ATP8B4: variants seen among roughly 807,000 people sequenced by gnomAD.
ATP8B4 encodes probable phospholipid-transporting ATPase IM.
Under a neutral mutation model 145.6 loss-of-function variants are expected in ATP8B4, and 133 were observed. The ratio of observed to expected loss-of-function variants is 0.91; its 90% confidence interval spans 0.79 to 1.05. The LOEUF is 1.05. ATP8B4 is among the 50% of genes least tolerant of loss of function. ATP8B4 has a pLI of 0.00. For synonymous variants in ATP8B4, 507 were observed against 492.9 expected, an observed-to-expected ratio of 1.03 and a Z score of -0.38; for missense variants, 1,458 against 1,425.2, an observed-to-expected ratio of 1.02 and a Z score of -0.37.
chr15:50,116,196 T>C (rs2057155365), intron 1 of ATP8B4, among the ~76,000 whole-genome samples: 2 of 152,258 alleles, frequency 1.3e-5, no homozygotes, highest in Middle Eastern at 6.8e-3. Flanking sequence ...GGCAGATGGA[T>C]TGCTTGAGCC....
At chr15:50,061,033 T>C (rs2052977175) in intron 3 of ATP8B4, among the ~76,000 whole-genome samples, 1 of 152,202 alleles carries the variant, frequency 6.6e-6, no homozygotes, top group Non-Finnish European at 1.5e-5. Flanking sequence ...AGGTACTGGA[T>C]TCCCCCAGTA....
At chr15:49,865,475 G>A (rs1301705299) in intron 26 of ATP8B4, among the ~76,000 whole-genome samples, 1 of 152,198 alleles carries the variant, frequency 6.6e-6, no homozygotes, top group East Asian at 1.9e-4. Flanking sequence ...TAGCCAGCTG[G>A]CCAAAAGTAG....
At chr15:50,088,193 C>T (rs2055345504) in intron 2 of ATP8B4, among the ~76,000 whole-genome samples, 1 of 152,098 alleles carries the variant, frequency 6.6e-6, no homozygotes, top group Non-Finnish European at 1.5e-5. Flanking sequence ...CGAGACCAGC[C>T]TGACCAACAT....
In ATP8B4 at chr15:49,876,510, T is replaced by C. The variant is rs757108850; in HGVS notation, c.2795A>G (p.Gln932Arg). The C allele has an allele frequency of 1.2e-6, 2 of 1,614,052 alleles. No individual in the cohort carries two copies. Among genetic ancestry groups the C allele is most frequent in the East Asian group, 4.5e-5 (2 of 44,864 alleles). Residue 932 changes from glutamine to arginine, a missense_variant, in exon 25 of 28, where the codon CAG (glutamine) becomes CGG (arginine). Physicochemically the swap from Gln to Arg is conservative, Grantham distance 43 (BLOSUM62 1). Transcript: ENST00000284509. Reference protein sequence around the residue: ...MGIFDQDVSDQNSVDCPQLYK... With the variant: ...MGIFDQDVSDRNSVDCPQLYK... ...GAGCTGGGGACAGTCCACGCTGTTC[T>C]GGTCACTCACATCCTGTAAACAGAG...
At position 49,859,275 on chromosome 15, in the gene ATP8B4, C is replaced by T. The variant is rs919452134; in HGVS notation, c.*919G>A. 1.3e-5 allele frequency: 2 copies of T among 152,184 alleles called. No individual in the cohort carries two copies. Among genetic ancestry groups the T allele is most frequent in the African/African-American group, 4.8e-5 (2 of 41,438 alleles). The allele number at this position is 152,184 out of a possible 1,614,324, so 9.4% of individuals were successfully genotyped here. On this transcript the variant is annotated 3_prime_UTR_variant, in exon 28 of 28. Coordinates refer to ENST00000284509, the MANE Select transcript of ATP8B4 (RefSeq NM_024837.4). ...AACAATTATTTATTAATTTGTTTGG[C>T]TTCAATTCTGAAGCTTTAAAAATTG...
chr15:50,154,234 T>A, intron 1 of ATP8B4, among the ~76,000 whole-genome samples: 1 of 152,190 alleles, frequency 6.6e-6, no homozygotes, highest in Admixed American at 6.5e-5. Flanking sequence ...ATTCTTTTTA[T>A]ATAAAATTAT....
intron 2 of ATP8B4, among the ~76,000 whole-genome samples, chr15:50,098,234 A>C (rs75126489): frequency 0.045 from 6,405 of 142,380 alleles, 184 homozygotes; most frequent in Non-Finnish European, 0.065. Flanking sequence ...ATGAAAATAC[A>C]TGAGTACCAT....
chr15:50,111,095 T>C (rs1248865777), intron 1 of ATP8B4, among the ~76,000 whole-genome samples: 1 of 152,216 alleles, frequency 6.6e-6, no homozygotes, highest in East Asian at 1.9e-4. Flanking sequence ...AAGCATCCTG[T>C]GAGGAAGAGG....
intron 23 of ATP8B4, 124 bp downstream of exon 23, chr15:49,897,168 T>C: frequency 1.2e-6 from 1 of 864,580 alleles, no homozygotes; most frequent in South Asian, 1.7e-5. Flanking sequence ...GTAATACTAT[T>C]ACTTGAATCA....
At position 49,968,716 on chromosome 15, in the gene ATP8B4, G is replaced by A. The variant is rs151324324; in HGVS notation, c.1243+3866C>T. Among the ~76,000 whole-genome samples the A allele has an allele frequency of 6.3e-3, 958 of 152,198 alleles. 14 individuals are homozygous for A. The highest frequency in any genetic ancestry group is 0.022 in the African/African-American group (898 of 41,498). On this transcript the variant is annotated intron_variant, in intron 13 of 27. Transcript: ENST00000284509. Reference sequence around the variant, plus strand: ...CATTGTCAATATTAGACAGATCAACGAGACAGAAAATTAACAAGGATATTC... The same window carrying A: ...CATTGTCAATATTAGACAGATCAACAAGACAGAAAATTAACAAGGATATTC...
chr15:50,063,824 T>C (rs2053194501), intron 3 of ATP8B4, among the ~76,000 whole-genome samples: 1 of 152,186 alleles, frequency 6.6e-6, no homozygotes, highest in South Asian at 2.1e-4. Context: ...TTTGATATTT[T>C]AAACACAAAT....
intron 14 of ATP8B4, among the ~76,000 whole-genome samples, chr15:49,945,801 T>C (rs1322660855): frequency 6.6e-6 from 1 of 152,166 alleles, no homozygotes; most frequent in East Asian, 1.9e-4. Context: ...CATCCATTCA[T>C]GATTTAAAAA....
intron 9 of ATP8B4, among the ~76,000 whole-genome samples, chr15:49,989,962 A>C (rs958869934): frequency 2.6e-5 from 4 of 152,126 alleles, no homozygotes; most frequent in Admixed American, 2.6e-4. Flanking sequence ...GGATAGAAAA[A>C]ATTTCAGATG....
rs565690383 is a variant in ATP8B4, at chr15:50,172,607, G to A, written c.-43+9654C>T. On this transcript the variant is annotated intron_variant, in intron 1 of 3. Coordinates refer to the ATP8B4 transcript ENST00000558829. Reference sequence around the variant, plus strand: ...GAGTGTCTCTGCCTGGCCGCCCATCGTCTGGGATGTGAGGAGCCCCTCTGC... The same window carrying A: ...GAGTGTCTCTGCCTGGCCGCCCATCATCTGGGATGTGAGGAGCCCCTCTGC... Among the ~76,000 whole-genome samples, 60 of 150,342 alleles carry A rather than the reference G, an allele frequency of 4.0e-4. 1 individual carries two copies. In the East Asian group the frequency reaches 8.8e-3, roughly 22 times the overall value.
intron 2 of ATP8B4, among the ~76,000 whole-genome samples, chr15:50,076,474 G>A (rs1483064651): frequency 6.6e-6 from 1 of 151,034 alleles, no homozygotes; most frequent in African/African-American, 2.5e-5. Flanking sequence ...CCTGGCGACA[G>A]AGCAAGACTC....
chr15:50,129,962 A>G (rs12914409), intron 1 of ATP8B4, among the ~76,000 whole-genome samples: 44,331 of 144,964 alleles, frequency 0.31, 8,400 homozygotes, highest in Middle Eastern at 0.46. Context: ...AAAAAAAAAA[A>G]AAAAAAAGAA....
In ATP8B4 at chr15:49,911,716, C is replaced by G. The variant is rs1008535401; in HGVS notation, c.2141+5218G>C. Among the ~76,000 whole-genome samples, 14 of 152,004 alleles carry G rather than the reference C, an allele frequency of 9.2e-5. No individual in the cohort carries two copies. In the South Asian group the frequency reaches 2.7e-3, roughly 29 times the overall value. On this transcript the variant is annotated intron_variant, in intron 20 of 27. Transcript: ENST00000284509. ...ACAGACATCCACAGGACATTTTATCCAACACTTGCAGAATACACATTCTTC... is the reference window on the plus strand; with the variant it reads ...ACAGACATCCACAGGACATTTTATCGAACACTTGCAGAATACACATTCTTC...
At position 49,876,784 on chromosome 15, in the gene ATP8B4, A is replaced by G. The variant is rs74012823; in HGVS notation, c.2782-261T>C. On this transcript the variant is annotated intron_variant, in intron 24 of 27. Coordinates refer to ENST00000284509, the MANE Select transcript of ATP8B4 (RefSeq NM_024837.4). ...CACACAGCTCGTAAGTAGCAGAACC[A>G]GGGCTTGGTTTGAGCCTAGCTATTT... is the stretch of plus-strand genomic sequence containing the variant. The G allele has an allele frequency of 5.6e-3, 3,459 of 615,522 alleles. 89 individuals carry two copies. Among genetic ancestry groups the G allele is most frequent in the African/African-American group, 0.056 (3,077 of 55,234 alleles). 38.1% of individuals were successfully genotyped at this position (615,522 alleles called of 1,614,324 possible).
intron 3 of ATP8B4, among the ~76,000 whole-genome samples, chr15:50,073,015 T>TACAC (rs1471738032): frequency 2.5e-3 from 90 of 35,856 alleles, no homozygotes; most frequent in African/African-American, 9.7e-3. Context: ...TATATATATA[T>TACAC]ATATACACAC....
Sources: gnomAD v4.1 joint callset for allele counts (sites outside exome capture counted in the v4.1 genomes callset) on GRCh38, gnomAD v4.1.1 for gene constraint, MANE v1.5 for transcripts, NCBI Gene and HGNC (gene_info 2026-07-23, HGNC 2026-07-21) for gene names.